MAGI3: variants seen among roughly 807,000 people sequenced by gnomAD.
MAGI3 encodes membrane-associated guanylate kinase, WW and PDZ domain-containing protein 3.
MAGI3 carries 43 observed loss-of-function variants against 121.8 expected under a neutral mutation model. That is an observed-to-expected ratio of 0.35 (90% CI 0.28 to 0.46). The LOEUF (loss-of-function observed/expected upper bound fraction) is 0.46, where lower values mean the gene tolerates loss of function less well. MAGI3 is among the 20% of genes least tolerant of loss of function. The pLI is 1.00. For missense variants in MAGI3, 1,547 were observed against 1,797.3 expected, an observed-to-expected ratio of 0.86 and a Z score of 2.52; for synonymous variants, 553 against 639.3, an observed-to-expected ratio of 0.86 and a Z score of 2.04.
intron 2 of MAGI3, among the ~76,000 whole-genome samples, chr1:113,556,846 G>A (rs568377381): frequency 2.0e-5 from 3 of 152,124 alleles, no homozygotes; most frequent in East Asian, 3.9e-4. Flanking sequence ...AATTACAGAC[G>A]TGAGGCCCCA....
At chr1:113,559,693 G>C (rs932298056) in intron 2 of MAGI3, among the ~76,000 whole-genome samples, 1 of 152,018 alleles carries the variant, frequency 6.6e-6, no homozygotes, top group African/African-American at 2.4e-5. Context: ...TCAGCCTCCT[G>C]AATAGCTGGG....
chr1:113,651,315 T>C, intron 14 of MAGI3, 109 bp downstream of exon 14: 2 of 1,057,286 alleles, frequency 1.9e-6, no homozygotes, highest in Non-Finnish European at 2.7e-6. Context: ...GTATCTAAGA[T>C]AACCCATTTG....
intron 15 of MAGI3, among the ~76,000 whole-genome samples, chr1:113,655,001 G>T (rs1343419764): frequency 6.6e-6 from 1 of 152,180 alleles, no homozygotes; most frequent in Non-Finnish European, 1.5e-5. Flanking sequence ...AAGGGAAAAA[G>T]AGTCCATGAC....
intron 1 of MAGI3, among the ~76,000 whole-genome samples, chr1:113,507,178 A>C (rs550943061): frequency 1.3e-5 from 2 of 152,244 alleles, no homozygotes; most frequent in Admixed American, 6.5e-5. Context: ...AGAGAGAAAA[A>C]ATAATTAAAC....
At chr1:113,409,601 A>T (rs1374326239) in intron 1 of MAGI3, among the ~76,000 whole-genome samples, 1 of 152,066 alleles carries the variant, frequency 6.6e-6, no homozygotes, top group Non-Finnish European at 1.5e-5. Context: ...CATGTTCAAC[A>T]TAGGTAAGAT....
chr1:113,671,673 C>A, intron 16 of MAGI3, 61 bp from the exon 17 acceptor site: 1 of 1,506,598 alleles, frequency 6.6e-7, no homozygotes, highest in Non-Finnish European at 9.2e-7. Context: ...TTCACAGATC[C>A]GCTTGGCCTT....
At chr1:113,622,144 T>C (rs1296678902) in intron 8 of MAGI3, among the ~76,000 whole-genome samples, 1 of 152,194 alleles carries the variant, frequency 6.6e-6, no homozygotes, top group Non-Finnish European at 1.5e-5. Context: ...TGGCAGAACA[T>C]TTAAAATCTT....
chr1:113,470,715 CAG>C (rs1220888931), intron 1 of MAGI3, among the ~76,000 whole-genome samples: 1 of 152,174 alleles, frequency 6.6e-6, no homozygotes, highest in East Asian at 1.9e-4. Context: ...TGATCTCACT[CAG>C]TCCCTTACAA....
rs1229263696 is a variant in MAGI3 at position 113,651,175 on chromosome 1, A to G, written c.2409A>G (p.Leu803=). Residue 803 remains leucine (L), a synonymous_variant, in exon 14 of 21, where the codon TTA becomes TTG. Coordinates refer to ENST00000307546, the MANE Select transcript of MAGI3 (RefSeq NM_001142782.2). Reference sequence around the variant, plus strand: ...CTGCTGCTCGAAATGGCCATGTGTTACTAACTGTCAGACGGAAGATCTTCT... The same window carrying G: ...CTGCTGCTCGAAATGGCCATGTGTTGCTAACTGTCAGACGGAAGATCTTCT... ...MTTAARNGHV[L]LTVRRKIFYG... The G allele has an allele frequency of 6.2e-7, 1 of 1,612,762 alleles. No individual in the cohort carries two copies. Among genetic ancestry groups the G allele is most frequent in the Non-Finnish European group, 8.5e-7 (1 of 1,179,766 alleles).
At chr1:113,442,220 A>G (rs1416987551) in intron 1 of MAGI3, among the ~76,000 whole-genome samples, 1 of 152,196 alleles carries the variant, frequency 6.6e-6, no homozygotes, top group Non-Finnish European at 1.5e-5. Flanking sequence ...GACAACTTTT[A>G]GAAACTGTTT....
At chr1:113,580,519 C>T in intron 2 of MAGI3, 23 bp from the exon 3 acceptor site, 2 of 1,458,584 alleles carry the variant, frequency 1.4e-6, no homozygotes, top group African/African-American at 1.4e-5. Flanking sequence ...TTACAACCTA[C>T]TTTTTTTTTT....
At chr1:113,535,636 T>C (rs1189556193) in intron 1 of MAGI3, among the ~76,000 whole-genome samples, 2 of 152,218 alleles carry the variant, frequency 1.3e-5, no homozygotes, top group Non-Finnish European at 2.9e-5. Flanking sequence ...TATATGTTAA[T>C]AGATATTGCC....
At chr1:113,679,514 C>T (rs994373472) in intron 19 of MAGI3, among the ~76,000 whole-genome samples, 4 of 152,106 alleles carry the variant, frequency 2.6e-5, no homozygotes, top group Admixed American at 1.3e-4. Context: ...CATTCATCAA[C>T]ATGTGTTTGC....
intron 1 of MAGI3, among the ~76,000 whole-genome samples, chr1:113,505,548 A>AAATAAATAAATAAAT (rs1553193299): frequency 4.7e-5 from 7 of 148,460 alleles, no homozygotes; most frequent in African/African-American, 1.8e-4. Context: ...ATAAATAAAT[A>AAATAAATAAATAAAT]AATAAATATA....
intron 1 of MAGI3, among the ~76,000 whole-genome samples, chr1:113,534,449 T>C (rs1658871053): frequency 6.6e-6 from 1 of 152,156 alleles, no homozygotes. Context: ...CCATTCAGCA[T>C]GCCCTTTCTC....
At chr1:113,650,769 G>A (rs1025604426) in intron 13 of MAGI3, among the ~76,000 whole-genome samples, 1 of 152,132 alleles carries the variant, frequency 6.6e-6, no homozygotes, top group Admixed American at 6.5e-5. Flanking sequence ...GAACAACTTT[G>A]TATTTTCTAT....
chr1:113,484,056 GT>G (rs559071249), intron 1 of MAGI3, among the ~76,000 whole-genome samples: 12 of 152,076 alleles, frequency 7.9e-5, no homozygotes, highest in Non-Finnish European at 1.3e-4. Context: ...AGTTTCTCCA[GT>G]TTTCAGATTT....
At chr1:113,424,332 C>A (rs1167755028) in intron 1 of MAGI3, among the ~76,000 whole-genome samples, 3 of 152,074 alleles carry the variant, frequency 2.0e-5, no homozygotes, top group Non-Finnish European at 4.4e-5. Flanking sequence ...TCTAGCACCA[C>A]AGACAAGATA....
At chr1:113,676,847 T>A (rs2101030338) in intron 19 of MAGI3, among the ~76,000 whole-genome samples, 1 of 152,314 alleles carries the variant, frequency 6.6e-6, no homozygotes, top group African/African-American at 2.4e-5. Flanking sequence ...CAGCACCTGA[T>A]ATGGTGCCTT....
Sources: allele counts gnomAD v4.1 joint callset (sites outside exome capture counted in the v4.1 genomes callset), GRCh38; gene constraint gnomAD v4.1.1; transcripts MANE v1.5; gene names NCBI Gene and HGNC (gene_info 2026-07-23, HGNC 2026-07-21).